The following SNTG1 variants were observed in gnomAD, a reference collection of about 807,000 sequenced individuals.
The protein encoded by SNTG1 is syntrophin gamma 1, also known as gamma-1-syntrophin.
Under a neutral mutation model 74.7 loss-of-function variants are expected in SNTG1, and 39 were observed. The ratio of observed to expected loss-of-function variants is 0.52; its 90% CI spans 0.40 to 0.68. The LOEUF (loss-of-function observed/expected upper bound fraction) is 0.68, where lower values mean the gene tolerates loss of function less well. Among genes scored for constraint, SNTG1 ranks in the 30% least tolerant of loss-of-function variants. The pLI, the probability that SNTG1 is intolerant of heterozygous loss-of-function variation, is 0.00. For synonymous variants in SNTG1, 254 were observed against 217.1 expected (o/e 1.17, Z -1.49); for missense variants, 685 against 609.5 (o/e 1.12, Z -1.30).
intron 11 of SNTG1, among the ~76,000 whole-genome samples, chr8:50,548,893 A>T: frequency 6.6e-6 from 1 of 152,190 alleles, no homozygotes; most frequent in Non-Finnish European, 1.5e-5. Flanking sequence ...AGTCTTCAAA[A>T]TACAGCCTGA....
chr8:50,776,865 G>A (rs2095642311), intron 18 of SNTG1, among the ~76,000 whole-genome samples: 1 of 151,886 alleles, frequency 6.6e-6, no homozygotes, highest in African/African-American at 2.4e-5. Context: ...ATAGGATTCA[G>A]GATTGACAGT....
At chr8:50,045,083 G>C (rs953678960) in intron 1 of SNTG1, among the ~76,000 whole-genome samples, 2 of 152,188 alleles carry the variant, frequency 1.3e-5, no homozygotes, top group Non-Finnish European at 2.9e-5. Context: ...AGTGTTAGGA[G>C]ACAGTAGGGT....
At chr8:50,318,572 T>C (rs962815581) in intron 2 of SNTG1, among the ~76,000 whole-genome samples, 3 of 152,208 alleles carry the variant, frequency 2.0e-5, no homozygotes, top group Admixed American at 6.5e-5. Flanking sequence ...GGTAAGACTC[T>C]GCCCTATTTT....
At chr8:50,252,813 A>G (rs1239297037) in intron 2 of SNTG1, among the ~76,000 whole-genome samples, 3 of 152,198 alleles carry the variant, frequency 2.0e-5, no homozygotes, top group Non-Finnish European at 4.4e-5. Context: ...TACGTCCAAC[A>G]TTGACAGTCA....
Position 50,412,316 on chromosome 8 carries a change from C to T in SNTG1, c.162+9972C>T, listed in dbSNP as rs567883858. Among the ~76,000 whole-genome samples, 21 of 151,928 alleles carry T rather than the reference C, an allele frequency of 1.4e-4. No homozygotes were observed. The South Asian group carries it at 3.9e-3, about 29-fold the overall frequency. ...CTTAGTTTTTTCTTACATTTTGTAC[C>T]TATTTGTCTTTCTGTGGGGCACTAA... On this transcript the variant is annotated intron_variant, in intron 4 of 18. Transcript: ENST00000642720.
At chr8:50,008,705 C>T (rs769786559) in intron 1 of SNTG1, among the ~76,000 whole-genome samples, 1 of 152,130 alleles carries the variant, frequency 6.6e-6, no homozygotes, top group Non-Finnish European at 1.5e-5. Flanking sequence ...TTTAATCCTT[C>T]CTACAGCTTG....
intron 13 of SNTG1, among the ~76,000 whole-genome samples, chr8:50,645,793 G>A (rs1372662722): frequency 6.6e-6 from 1 of 151,862 alleles, no homozygotes; most frequent in Non-Finnish European, 1.5e-5. Flanking sequence ...TTTTCTCTAG[G>A]AGGGCTCAGA....
chr8:49,926,424 G>A (rs145481264), intron 1 of SNTG1, among the ~76,000 whole-genome samples: 142 of 152,078 alleles, frequency 9.3e-4, no homozygotes, highest in Non-Finnish European at 1.7e-3. Context: ...AACTTCAAAT[G>A]ATTAAATTTC....
chr8:50,151,438 T>C (rs1156286453), intron 1 of SNTG1, among the ~76,000 whole-genome samples: 2 of 152,190 alleles, frequency 1.3e-5, no homozygotes, highest in Non-Finnish European at 2.9e-5. Context: ...TAGTCATTCC[T>C]TGCCTTCTGC....
chr8:50,603,989 T>G (rs963060632), intron 13 of SNTG1, among the ~76,000 whole-genome samples: 2 of 152,078 alleles, frequency 1.3e-5, no homozygotes, highest in African/African-American at 4.8e-5. Flanking sequence ...CTAGGTTCAC[T>G]CAAAGCCCTA....
At chr8:50,610,521 T>C (rs2094842434) in intron 13 of SNTG1, among the ~76,000 whole-genome samples, 1 of 152,186 alleles carries the variant, frequency 6.6e-6, no homozygotes, top group Admixed American at 6.5e-5. Context: ...AATTTGTCAG[T>C]GTCTGACAAT....
intron 18 of SNTG1, among the ~76,000 whole-genome samples, chr8:50,761,462 G>C (rs1396118968): frequency 4.0e-5 from 6 of 151,890 alleles, no homozygotes; most frequent in African/African-American, 9.7e-5. Context: ...AGGTTGGACA[G>C]GATGGCTGGA....
At chr8:50,341,761 A>C (rs28513173) in intron 2 of SNTG1, among the ~76,000 whole-genome samples, 7,317 of 152,096 alleles carry the variant, frequency 0.048, 396 homozygotes, top group South Asian at 0.16. Flanking sequence ...AGGTGACAGT[A>C]GTCACCTTTG....
At chr8:50,381,556 ATATG>A (rs1491106506) in intron 2 of SNTG1, among the ~76,000 whole-genome samples, 1 of 100,014 alleles carries the variant, frequency 1.0e-5, no homozygotes, top group Non-Finnish European at 2.3e-5. Flanking sequence ...AACTAATAGG[ATATG>A]TGTGTGTGTG....
intron 10 of SNTG1, among the ~76,000 whole-genome samples, chr8:50,532,916 G>A (rs2094280542): frequency 1.3e-5 from 2 of 152,130 alleles, no homozygotes; most frequent in South Asian, 4.1e-4. Context: ...ACCTTGATCT[G>A]AAGCCAATTT....
intron 1 of SNTG1, among the ~76,000 whole-genome samples, chr8:50,082,918 A>G (rs1309118806): frequency 2.0e-5 from 3 of 152,114 alleles, no homozygotes; most frequent in Admixed American, 6.6e-5. Context: ...GTTTGCCCCA[A>G]CTACGACCTC....
At chr8:50,428,138 C>T (rs1391827587) in intron 4 of SNTG1, among the ~76,000 whole-genome samples, 8 of 152,070 alleles carry the variant, frequency 5.3e-5, no homozygotes, top group Non-Finnish European at 8.8e-5. Flanking sequence ...ACATAAACTA[C>T]ATTTCTACAA....
At chr8:50,360,085 C>G in intron 2 of SNTG1, among the ~76,000 whole-genome samples, 1 of 151,938 alleles carries the variant, frequency 6.6e-6, no homozygotes, top group East Asian at 1.9e-4. Flanking sequence ...ATAATCAACA[C>G]CTCTTATTAA....
At chr8:49,924,048 T>A (rs1048252332) in intron 1 of SNTG1, among the ~76,000 whole-genome samples, 1 of 152,166 alleles carries the variant, frequency 6.6e-6, no homozygotes, top group African/African-American at 2.4e-5. Context: ...TAGGACATTC[T>A]GAAGGAAATT....
Sources: allele counts gnomAD v4.1 joint callset (sites outside exome capture counted in the v4.1 genomes callset), GRCh38; gene constraint gnomAD v4.1.1; transcripts MANE v1.5; gene names NCBI Gene and HGNC (gene_info 2026-07-23, HGNC 2026-07-21).